Variants in TUBGCP3 observed in about 807,000 individuals in gnomAD.
TUBGCP3 encodes the protein tubulin gamma complex component 3.
Under a neutral mutation model 123.1 loss-of-function variants are expected in TUBGCP3, and 50 were observed. That is an observed-to-expected ratio of 0.41 (90% CI 0.32 to 0.51). The LOEUF (loss-of-function observed/expected upper bound fraction) is 0.51. TUBGCP3 is among the 20% of genes least tolerant of loss of function. The pLI is 0.36. For synonymous variants in TUBGCP3, 405 were observed against 413.9 expected (o/e 0.98, Z 0.26); for missense variants, 882 against 1,127.0 (o/e 0.78, Z 3.11).
intron 19 of TUBGCP3, among the ~76,000 whole-genome samples, chr13:112,501,291 CTAATT>C (rs1322022228): frequency 1.3e-5 from 2 of 152,198 alleles, no homozygotes; most frequent in African/African-American, 4.8e-5. Context: ...AAAGATTTAT[CTAATT>C]TGTTTCTTTA....
At chr13:112,583,603 T>C (rs1181419469) in intron 1 of TUBGCP3, among the ~76,000 whole-genome samples, 1 of 152,192 alleles carries the variant, frequency 6.6e-6, no homozygotes, top group African/African-American at 2.4e-5. Context: ...AGATGACAAC[T>C]GAACTTCAAG....
At chr13:112,487,465 T>C (rs1025042864) in intron 21 of TUBGCP3, among the ~76,000 whole-genome samples, 5 of 152,210 alleles carry the variant, frequency 3.3e-5, no homozygotes, top group African/African-American at 1.2e-4. Context: ...CTCAGGGAAA[T>C]GTGTAACCAT....
chr13:112,584,806 A>G (rs1882500715), intron 1 of TUBGCP3, among the ~76,000 whole-genome samples: 1 of 152,256 alleles, frequency 6.6e-6, no homozygotes, highest in Non-Finnish European at 1.5e-5. Flanking sequence ...CATTAACATC[A>G]AGCACACTGT....
At position 112,554,151 on chromosome 13, in the gene TUBGCP3, G is replaced by A. The variant is rs370969473; in HGVS notation, c.872C>T (p.Ala291Val). 6.8e-6 allele frequency: 11 copies of A among 1,614,020 alleles called. No homozygotes were observed. The highest frequency in any genetic ancestry group is 8.5e-6 in the Non-Finnish European group (10 of 1,180,028). The change falls in exon 8 of 22, where the codon GCA (alanine) becomes GTA (valine). Residue 291 changes from alanine to valine, a missense_variant. Around this residue, in one of 3 missense-constraint regions of TUBGCP3, gnomAD observed 713 missense variants for 874.0 expected, o/e 0.82. Coordinates refer to ENST00000261965, the MANE Select transcript of TUBGCP3 (RefSeq NM_006322.6). Reference sequence around the variant, plus strand: ...CCATCCCAACTCAGAAAGCCTGACTGCTGTGTCTCTCAAAGACCTACTTAG... The same window carrying A: ...CCATCCCAACTCAGAAAGCCTGACTACTGTGTCTCTCAAAGACCTACTTAG... ...ANLSRSLRDTAVRLSELGWLH... is the reference protein window; with the variant it reads ...ANLSRSLRDTVVRLSELGWLH...
chr13:112,602,585 G>A, the TUBGCP3 span, among the ~76,000 whole-genome samples: 2 of 152,146 alleles, frequency 1.3e-5, no homozygotes, highest in African/African-American at 4.8e-5. Flanking sequence ...TTACCCTGGC[G>A]GCAGCAGGCT....
chr13:112,577,837 A>G (rs1415254773), intron 1 of TUBGCP3, among the ~76,000 whole-genome samples: 1 of 152,186 alleles, frequency 6.6e-6, no homozygotes, highest in Non-Finnish European at 1.5e-5. Flanking sequence ...CATGGCATCA[A>G]TATTTTTTAA....
intron 11 of TUBGCP3, 29 bp from the exon 12 acceptor site, chr13:112,527,513 A>G: frequency 6.6e-7 from 1 of 1,513,612 alleles, no homozygotes; most frequent in African/African-American, 1.4e-5. Flanking sequence ...GGAAATGTTC[A>G]AGAGTGATAT....
chr13:112,491,258 T>A (rs1030429502), intron 20 of TUBGCP3, among the ~76,000 whole-genome samples: 4 of 152,278 alleles, frequency 2.6e-5, no homozygotes, highest in Non-Finnish European at 5.9e-5. Flanking sequence ...CTCTCCAATT[T>A]ATTAATATAG....
intron 9 of TUBGCP3, 59 bp from the exon 10 acceptor site, chr13:112,547,811 T>C (rs1879192586): frequency 7.3e-7 from 1 of 1,369,022 alleles, no homozygotes; most frequent in African/African-American, 1.4e-5. Context: ...ATCACACTTC[T>C]TAATCTATAT....
At chr13:112,515,223 C>T (rs1876008647) in intron 17 of TUBGCP3, among the ~76,000 whole-genome samples, 1 of 152,112 alleles carries the variant, frequency 6.6e-6, no homozygotes, top group Non-Finnish European at 1.5e-5. Flanking sequence ...ATATCGCAAC[C>T]AGCCCATATT....
chr13:112,549,252 G>T (rs188636262), intron 8 of TUBGCP3, among the ~76,000 whole-genome samples: 2 of 151,302 alleles, frequency 1.3e-5, no homozygotes, highest in East Asian at 3.9e-4. Flanking sequence ...ACAAAACACC[G>T]CATGTTCTCA....
chr13:112,583,690 T>C (rs1322867036), intron 1 of TUBGCP3, among the ~76,000 whole-genome samples: 1 of 152,234 alleles, frequency 6.6e-6, no homozygotes, highest in Non-Finnish European at 1.5e-5. Flanking sequence ...AAAAAACAAC[T>C]GCGGAAAAGT....
intron 19 of TUBGCP3, 126 bp downstream of exon 19, chr13:112,503,906 A>C: frequency 8.0e-7 from 1 of 1,253,294 alleles, no homozygotes; most frequent in Non-Finnish European, 1.1e-6. Flanking sequence ...ACTTTTAATA[A>C]AATTATCTGA....
rs1171529305 is a variant in TUBGCP3 at position 112,519,751 on chromosome 13, A to C, written c.1881+135T>G. On this transcript the variant is annotated intron_variant, in intron 15 of 21. Transcript: ENST00000261965. The surrounding 1 kb of genome is among the most constrained non-coding windows in gnomAD (Gnocchi z 6.2). ...TAACAAGCCACAGAGTGGAGTTCCT[A>C]CTCAGGCTGCCCAGTTTCCAGAAAG... 1 of 1,197,128 alleles carries C rather than the reference A, an allele frequency of 8.4e-7. No individual in the cohort carries two copies. The highest frequency in any genetic ancestry group is 1.1e-6 in the Non-Finnish European group (1 of 896,814). The allele number at this position is 1,197,128 out of a possible 1,614,324, so 74.2% of individuals were successfully genotyped here. A position where few individuals can be genotyped will look rare whatever the true frequency, so the allele number is the denominator to read the frequency against.
intron 8 of TUBGCP3, 62 bp from the exon 9 acceptor site, chr13:112,548,238 G>T: frequency 7.3e-7 from 1 of 1,366,210 alleles, no homozygotes; most frequent in Non-Finnish European, 1.0e-6. Context: ...CTGATTTTAA[G>T]TGGAAAGGTA....
chr13:112,604,033 T>A, the TUBGCP3 span: 1 of 152,216 alleles, frequency 6.6e-6, no homozygotes, highest in Non-Finnish European at 1.5e-5. Context: ...TAGTCCTCCC[T>A]GGGATCCTAT....
chr13:112,551,960 C>A (rs976195285), intron 8 of TUBGCP3, among the ~76,000 whole-genome samples: 3 of 152,150 alleles, frequency 2.0e-5, no homozygotes, highest in African/African-American at 7.2e-5. Context: ...ACGAAGCATG[C>A]AACCTAGATC....
chr13:112,516,061 ACTAT>A (rs1876097824), intron 17 of TUBGCP3, among the ~76,000 whole-genome samples: 1 of 152,212 alleles, frequency 6.6e-6, no homozygotes, highest in African/African-American at 2.4e-5. Context: ...AATAATCTTG[ACTAT>A]CTGATACCTA....
At position 112,584,572 on chromosome 13, in the gene TUBGCP3, A is replaced by T. The variant is rs751548247; in HGVS notation, c.76+3333T>A. ...CCACTTGTGGTACTGAATCACCAAA[A>T]CAATAATCCTTTATCTTCTGATAGT... On this transcript the variant is annotated intron_variant, in intron 1 of 21. Transcript: ENST00000261965. 5.9e-4 allele frequency among the ~76,000 whole-genome samples: 90 copies of T among 152,236 alleles called. 1 individual carries two copies. The highest frequency in any genetic ancestry group is 5.6e-4 in the Non-Finnish European group (38 of 68,038).
Sources: allele counts gnomAD v4.1 joint callset (sites outside exome capture counted in the v4.1 genomes callset), GRCh38; gene constraint gnomAD v4.1.1; regional missense constraint gnomAD v4.1.1; non-coding constraint Gnocchi (gnomAD v3.1); transcripts MANE v1.5; gene names NCBI Gene and HGNC (gene_info 2026-07-23, HGNC 2026-07-21).